TCF3: variants seen among roughly 807,000 people sequenced by gnomAD.
TCF3 encodes the protein transcription factor E2-alpha.
TCF3 carries 54 observed loss-of-function variants against 72.3 expected under a neutral mutation model. The ratio of observed to expected loss-of-function variants is 0.75; its 90% CI spans 0.60 to 0.94. The LOEUF (loss-of-function observed/expected upper bound fraction) is 0.94. Among genes scored for constraint, TCF3 ranks in the 40% least tolerant of loss-of-function variants. The pLI, the probability that TCF3 is intolerant of heterozygous loss-of-function variation, is 0.00. For synonymous variants in TCF3, 525 were observed against 412.6 expected (o/e 1.27, Z -3.30); for missense variants, 1,078 against 934.4 (o/e 1.15, Z -2.00).
At chr19:1,644,846 G>A (rs1303599561) in intron 3 of TCF3, among the ~76,000 whole-genome samples, 3 of 150,722 alleles carry the variant, frequency 2.0e-5, no homozygotes, top group Non-Finnish European at 4.4e-5. Context: ...CCCACCCAGA[G>A]GCCCAGGAGA....
chr19:1,619,517 G>C, intron 14 of TCF3, 43 bp from the exon 15 acceptor site: 1 of 1,543,070 alleles, frequency 6.5e-7, no homozygotes, highest in Non-Finnish European at 8.7e-7. Flanking sequence ...CAAGCCGAGG[G>C]ACCCCACAGG....
Position 1,615,917 on chromosome 19 carries a change from G to A in TCF3, c.1451-96C>T. Reference sequence around the variant, plus strand: ...GTGGTGAGGGACTTGGGCTTTCCTGGAAAAACCAGGTCTTGGCCAAAAATA... The same window carrying A: ...GTGGTGAGGGACTTGGGCTTTCCTGAAAAAACCAGGTCTTGGCCAAAAATA... On this transcript the variant is annotated intron_variant, in intron 16 of 18. Transcript: ENST00000262965. This position sits in a 1 kb window ranked among gnomAD's most constrained non-coding sequence, Gnocchi z 7.3. 7.1e-7 allele frequency: 1 copy of A among 1,415,518 alleles called. No individual in the cohort carries two copies. The highest frequency in any genetic ancestry group is 9.3e-7 in the Non-Finnish European group (1 of 1,075,230). The allele number at this position is 1,415,518 out of a possible 1,614,324, so 87.7% of individuals were successfully genotyped here.
At chr19:1,630,249 C>T (rs968225092) in intron 5 of TCF3, among the ~76,000 whole-genome samples, 3 of 152,162 alleles carry the variant, frequency 2.0e-5, no homozygotes, top group African/African-American at 7.2e-5. Context: ...GGGCCACCCC[C>T]GGCAGGGGGG....
At chr19:1,620,923 C>A in intron 13 of TCF3, 45 bp downstream of exon 13, 1 of 1,420,980 alleles carries the variant, frequency 7.0e-7, no homozygotes, top group Non-Finnish European at 9.3e-7. Context: ...TCCCCCCAAA[C>A]CCTCACAGAC....
At position 1,615,619 on chromosome 19, in the gene TCF3, G is replaced by A. The variant is rs758352697; in HGVS notation, c.1586+67C>T. 6.1e-5 allele frequency: 99 copies of A among 1,610,250 alleles called. No homozygotes were observed. The highest frequency in any genetic ancestry group is 1.6e-4 in the Middle Eastern group (1 of 6,068). ...GCCTCCCAGTGTGGGTGCGGTGTGC[G>A]TGTGGCCTGTGCACATGTGCGTCCT... On this transcript the variant is annotated intron_variant, in intron 17 of 18. Coordinates refer to ENST00000262965, the MANE Select transcript of TCF3 (RefSeq NM_003200.5). This position sits in a 1 kb window ranked among gnomAD's most constrained non-coding sequence, Gnocchi z 7.3.
At chr19:1,643,641 A>G (rs1049025346) in intron 3 of TCF3, among the ~76,000 whole-genome samples, 28 of 152,144 alleles carry the variant, frequency 1.8e-4, no homozygotes, top group African/African-American at 5.8e-4. Flanking sequence ...TTGGCCTCCC[A>G]AAGTGCTGGG....
chr19:1,638,271 G>A (rs2064740578), intron 3 of TCF3, among the ~76,000 whole-genome samples: 1 of 152,236 alleles, frequency 6.6e-6, no homozygotes, highest in Non-Finnish European at 1.5e-5. Context: ...ATTTGCTCAA[G>A]CCCTCACAGT....
At chr19:1,627,702 C>T (rs1411895842) in intron 5 of TCF3, among the ~76,000 whole-genome samples, 3 of 152,120 alleles carry the variant, frequency 2.0e-5, no homozygotes, top group African/African-American at 7.2e-5. Context: ...ATTTCGGGGC[C>T]AACTCTGAGC....
At chr19:1,624,686 T>A (rs1329045745) in intron 7 of TCF3, among the ~76,000 whole-genome samples, 1 of 152,192 alleles carries the variant, frequency 6.6e-6, no homozygotes, top group African/African-American at 2.4e-5. Context: ...GGCGCCTTCC[T>A]GATCACTCAC....
At position 1,623,955 on chromosome 19, in the gene TCF3, G is replaced by C. The variant is rs370431685; in HGVS notation, c.545C>G (p.Ser182Cys). 1 of 1,613,420 alleles carries C rather than the reference G, an allele frequency of 6.2e-7. No homozygotes were observed. Among genetic ancestry groups the C allele is most frequent in the African/African-American group, 1.3e-5 (1 of 74,938 alleles). The stretch of plus-strand genomic sequence containing the variant: ...CTTCTCCCTCGTGCGACTCACCGAG[G>C]ATGGAAGACCCGGCGGGACCTTCCG... ...KVRKVPPGLPSSVYPPSSGED... is the reference protein window; with the variant it reads ...KVRKVPPGLPCSVYPPSSGED... Residue 182 changes from serine to cysteine, a missense_variant, in exon 8 of 19, where the codon TCC becomes TGC. Physicochemically the swap from Ser to Cys is moderately radical, Grantham distance 112 (BLOSUM62 -1). Coordinates refer to ENST00000262965, the MANE Select transcript of TCF3 (RefSeq NM_003200.5).
At position 1,629,078 on chromosome 19, in the gene TCF3, GA is replaced by G. The variant is rs1239211101; in HGVS notation, c.299-1653del. ...AAGGGGACAGCAGAGCTCACGGGGTGAGGCGGGAAGGGGACAGCAGAGCTCA... is the reference window on the plus strand; with the variant it reads ...AAGGGGACAGCAGAGCTCACGGGGTGGGCGGGAAGGGGACAGCAGAGCTCA... On this transcript the variant is annotated intron_variant, in intron 5 of 18. Coordinates refer to ENST00000262965, the MANE Select transcript of TCF3 (RefSeq NM_003200.5). 1.6e-5 allele frequency among the ~76,000 whole-genome samples: 2 copies of G among 121,496 alleles called. 1 individual carries two copies. 79.7% of individuals were successfully genotyped at this position (121,496 alleles called of 152,430 possible).
chr19:1,633,424 G>A (rs571114509), intron 3 of TCF3, among the ~76,000 whole-genome samples: 3 of 152,176 alleles, frequency 2.0e-5, no homozygotes, highest in East Asian at 3.9e-4. Flanking sequence ...GTCTGTGACC[G>A]GCACCACCTC....
chr19:1,632,037 C>T lies in TCF3; in HGVS notation c.298+1G>A, dbSNP rs570496716. On this transcript the variant is annotated splice_donor_variant, in intron 5 of 18. Transcript: ENST00000262965. LOFTEE classifies it high-confidence loss of function. ...GGGACCGCACCAGGCCAGGCACTCA[C>T]CTCCGAGTCCCGGTCCCAGGAATGT... 1 of 1,612,700 alleles carries T rather than the reference C, an allele frequency of 6.2e-7. No individual in the cohort carries two copies. Among genetic ancestry groups the T allele is most frequent in the East Asian group, 2.2e-5 (1 of 44,818 alleles).
At position 1,610,363 on chromosome 19, in the gene TCF3, C is replaced by T. The variant is rs8103100; in HGVS notation, c.*1344G>A. The T allele has an allele frequency of 0.17, 38,161 of 230,838 alleles. 3,485 individuals are homozygous for T. Among genetic ancestry groups the T allele is most frequent in the Non-Finnish European group, 0.2 (22,908 of 116,630 alleles). 14.3% of individuals were successfully genotyped at this position (230,838 alleles called of 1,614,324 possible). ...GCTCCCCAGCATTGGGGGAGGCTGG[C>T]CAGGCCCCTGGCATCCTGTCTACGT... On this transcript the variant is annotated 3_prime_UTR_variant, in exon 19 of 19. Coordinates refer to ENST00000262965, the MANE Select transcript of TCF3 (RefSeq NM_003200.5).
intron 8 of TCF3, 121 bp downstream of exon 8, chr19:1,623,830 C>T: frequency 1.0e-6 from 1 of 993,812 alleles, no homozygotes; most frequent in Non-Finnish European, 1.5e-6. Flanking sequence ...GCTCAGAAAT[C>T]ACAGGGGGCC....
At chr19:1,629,202 G>C (rs2063380535) in intron 5 of TCF3, among the ~76,000 whole-genome samples, 1 of 152,036 alleles carries the variant, frequency 6.6e-6, no homozygotes, top group Non-Finnish European at 1.5e-5. Context: ...CTCTGTTTCA[G>C]GCGTTGAGGG....
intron 11 of TCF3, among the ~76,000 whole-genome samples, chr19:1,621,539 C>G (rs538711427): frequency 6.5e-4 from 99 of 151,464 alleles, no homozygotes; most frequent in African/African-American, 2.1e-3. Context: ...GGGTGAGTCC[C>G]TCTCTGACCC....
In TCF3 at chr19:1,644,145, C is replaced by T. The variant is rs1302137888; in HGVS notation, c.145+2210G>A. On this transcript the variant is annotated intron_variant, in intron 3 of 18. Coordinates refer to ENST00000262965, the MANE Select transcript of TCF3 (RefSeq NM_003200.5). ...CAGGAAGCGGGGAAATGAGCTACTG[C>T]AGCTCCTGGGCCCTGCCGGGATCCC... 3.3e-5 allele frequency among the ~76,000 whole-genome samples: 5 copies of T among 152,384 alleles called. No homozygotes were observed. In the East Asian group the frequency reaches 9.6e-4, roughly 29 times the overall value.
chr19:1,621,321 T>G, intron 11 of TCF3, 130 bp from the exon 12 acceptor site: 1 of 1,159,204 alleles, frequency 8.6e-7, no homozygotes, highest in African/African-American at 1.5e-5. Flanking sequence ...TCGGGTCCGG[T>G]TTCTGTCTGA....
Sources: allele counts gnomAD v4.1 joint callset (sites outside exome capture counted in the v4.1 genomes callset), GRCh38; gene constraint gnomAD v4.1.1; non-coding constraint Gnocchi (gnomAD v3.1); transcripts MANE v1.5; gene names NCBI Gene and HGNC (gene_info 2026-07-23, HGNC 2026-07-21).